The following ZKSCAN2 variants were observed in gnomAD, a reference collection of about 807,000 sequenced individuals.
The protein encoded by ZKSCAN2 is zinc finger protein with KRAB and SCAN domains 2.
In ZKSCAN2, 38 loss-of-function variants were observed where a neutral mutation model predicts 90.5. The ratio of observed to expected loss-of-function variants is 0.42; its 90% CI spans 0.32 to 0.55. ZKSCAN2 has a LOEUF of 0.55. ZKSCAN2 is among the 20% of genes least tolerant of loss of function. The pLI, the probability that ZKSCAN2 is intolerant of heterozygous loss-of-function variation, is 0.11. For missense variants in ZKSCAN2, 1,167 were observed against 1,202.6 expected (o/e 0.97, Z 0.44); for synonymous variants, 429 against 421.6 (o/e 1.02, Z -0.22).
rs767763352 is a variant in ZKSCAN2, at chr16:25,240,423, C to T, written c.2297G>A (p.Arg766Gln). 46 of 1,614,032 alleles carry T rather than the reference C, an allele frequency of 2.9e-5. No homozygotes were observed. The highest frequency in any genetic ancestry group is 1.6e-4 in the Middle Eastern group (1 of 6,080). Residue 766 changes from arginine to glutamine, a missense_variant, in exon 7 of 7, where the codon CGG (arginine) becomes CAG (glutamine). Coordinates refer to ENST00000328086, the MANE Select transcript of ZKSCAN2 (RefSeq NM_001012981.5). ...AGGATTCTCCTTGTGGTGGGTCATC[C>T]GGCACATCAGACGAGTGCTCCTTCC... ...SFGRSTRLMC[R>Q]MTHHKENPYK...
rs1962766805 is a variant in ZKSCAN2 at position 25,236,295 on chromosome 16, G to C, written c.*3521C>G. On this transcript the variant is annotated 3_prime_UTR_variant, in exon 7 of 7. Coordinates refer to ENST00000328086, the MANE Select transcript of ZKSCAN2 (RefSeq NM_001012981.5). Reference sequence around the variant, plus strand: ...CTGCCACTGGTTATCGAGGTGCTTGGGGGGTGCCTGCTGTGGACCACGAGG... The same window carrying C: ...CTGCCACTGGTTATCGAGGTGCTTGCGGGGTGCCTGCTGTGGACCACGAGG... 2 of 152,198 alleles carry C rather than the reference G, an allele frequency of 1.3e-5. No individual in the cohort carries two copies. Among genetic ancestry groups the C allele is most frequent in the Admixed American group, 1.3e-4 (2 of 15,272 alleles). 9.4% of individuals were successfully genotyped at this position (152,198 alleles called of 1,614,324 possible).
intron 2 of ZKSCAN2, among the ~76,000 whole-genome samples, chr16:25,253,484 C>T (rs570158602): frequency 1.1e-4 from 16 of 151,460 alleles, no homozygotes; most frequent in African/African-American, 3.9e-4. Flanking sequence ...CAATCATGGA[C>T]ATTTGCAATG....
Position 25,239,045 on chromosome 16 carries a change from C to A in ZKSCAN2, c.*771G>T, listed in dbSNP as rs1456827396. Reference sequence around the variant, plus strand: ...AAGAGGCCGGCAGGAGCACCCAGAGCAACTGAGAGGCAAGTGCAGGGCTAT... The same window carrying A: ...AAGAGGCCGGCAGGAGCACCCAGAGAAACTGAGAGGCAAGTGCAGGGCTAT... On this transcript the variant is annotated 3_prime_UTR_variant, in exon 7 of 7. Coordinates refer to ENST00000328086, the MANE Select transcript of ZKSCAN2 (RefSeq NM_001012981.5). The A allele has an allele frequency of 6.6e-6, 1 of 152,608 alleles. No individual in the cohort carries two copies. The highest frequency in any genetic ancestry group is 2.4e-5 in the African/African-American group (1 of 41,380). The allele number at this position is 152,608 out of a possible 1,614,324, so 9.5% of individuals were successfully genotyped here.
At chr16:25,256,200 G>T (rs1963099185) in intron 1 of ZKSCAN2, among the ~76,000 whole-genome samples, 1 of 152,172 alleles carries the variant, frequency 6.6e-6, no homozygotes, top group Non-Finnish European at 1.5e-5. Context: ...AACTAGAAGA[G>T]CATGCAAGCC....
intron 2 of ZKSCAN2, among the ~76,000 whole-genome samples, chr16:25,255,000 T>C (rs1270997949): frequency 6.6e-6 from 1 of 151,910 alleles, no homozygotes; most frequent in Admixed American, 6.6e-5. Flanking sequence ...GACTGGGTTT[T>C]CCCATGTTGC....
rs1286293577 is a variant in ZKSCAN2 at position 25,240,181 on chromosome 16, T to G, written c.2539A>C (p.Ile847Leu). ...CCGGTGTGCGTTCTCTGATGTATAA[T>G]AAGACTAGAGCTCTGACTAAAGCAT... is the stretch of plus-strand genomic sequence containing the variant. ...GKCFSQSSSL[I>L]IHQRTHTGEK... The change falls in exon 7 of 7, where the codon ATT becomes CTT. Residue 847 changes from isoleucine (I) to leucine (L), a missense_variant. Physicochemically the swap from Ile to Leu is conservative, Grantham distance 5. Coordinates refer to ENST00000328086, the MANE Select transcript of ZKSCAN2 (RefSeq NM_001012981.5). 8 of 1,614,038 alleles carry G rather than the reference T, an allele frequency of 5.0e-6. No homozygotes were observed. Among genetic ancestry groups the G allele is most frequent in the Non-Finnish European group, 6.8e-6 (8 of 1,180,040 alleles).
At chr16:25,243,635 T>C (rs1962885908) in intron 6 of ZKSCAN2, 150 bp downstream of exon 6, 1 of 1,017,386 alleles carries the variant, frequency 9.8e-7, no homozygotes, top group African/African-American at 1.6e-5. Flanking sequence ...AGAACATCAC[T>C]GCTATATCCC....
At chr16:25,244,361 TA>T (rs201809244) in intron 5 of ZKSCAN2, 85 bp from the exon 6 acceptor site, 252 of 1,437,100 alleles carry the variant, frequency 1.8e-4, no homozygotes, top group African/African-American at 6.2e-4. Flanking sequence ...AATGTAGAGG[TA>T]AAAAAAAATC....
chr16:25,253,818 G>A (rs1963056578), intron 2 of ZKSCAN2, among the ~76,000 whole-genome samples: 1 of 152,054 alleles, frequency 6.6e-6, no homozygotes, highest in South Asian at 2.1e-4. Flanking sequence ...GACCAGCCTG[G>A]TCAACATGGT....
At chr16:25,246,535 A>G (rs1962935546) in intron 5 of ZKSCAN2, 172 bp downstream of exon 5, 3 of 661,382 alleles carry the variant, frequency 4.5e-6, no homozygotes, top group East Asian at 5.4e-5. Flanking sequence ...TCTGACTGCA[A>G]TGGGGGCAGC....
Position 25,253,049 on chromosome 16 carries a change from G to T in ZKSCAN2, c.587-12C>A. 1 of 1,603,718 alleles carries T rather than the reference G, an allele frequency of 6.2e-7. No homozygotes were observed. The highest frequency in any genetic ancestry group is 1.3e-5 in the African/African-American group (1 of 74,858). ...GGGAGAAGGCCGAGCTGTAAGAATA[G>T]AAAGAAACGATTAGTAATCTGGGCT... is the stretch of plus-strand genomic sequence containing the variant. On this transcript the variant is annotated splice_polypyrimidine_tract_variant and intron_variant, in intron 2 of 6. Transcript: ENST00000328086.
rs547858427 is a variant in ZKSCAN2 at position 25,254,671 on chromosome 16, C to T, written c.586+535G>A. 5.7e-4 allele frequency among the ~76,000 whole-genome samples: 87 copies of T among 152,226 alleles called. 3 individuals are homozygous for T. The South Asian group carries it at 0.015, about 26-fold the overall frequency. On this transcript the variant is annotated intron_variant, in intron 2 of 6. Coordinates refer to ENST00000328086, the MANE Select transcript of ZKSCAN2 (RefSeq NM_001012981.5). ...CTTGAACTCCTGGCTTCAAGAGATC[C>T]GCCTGCCTCGGCCTCCCAAAGTGTT... is the stretch of plus-strand genomic sequence containing the variant.
chr16:25,253,935 G>C (rs958337179), intron 2 of ZKSCAN2, among the ~76,000 whole-genome samples: 2 of 152,250 alleles, frequency 1.3e-5, no homozygotes, highest in Non-Finnish European at 2.9e-5. Flanking sequence ...TGGAACCTGG[G>C]AGGCGGAGGT....
chr16:25,257,106 G>T lies in ZKSCAN2; in HGVS notation c.22C>A (p.Gln8Lys). The T allele has an allele frequency of 6.2e-7, 1 of 1,605,988 alleles. No individual in the cohort carries two copies. The highest frequency in any genetic ancestry group is 1.1e-5 in the South Asian group (1 of 90,194). The change falls in exon 1 of 7, where the codon CAG (glutamine) becomes AAG (lysine). Residue 8 changes from glutamine to lysine, a missense_variant. By Grantham distance (53) the Gln-to-Lys change is moderately conservative. Coordinates refer to ENST00000328086, the MANE Select transcript of ZKSCAN2 (RefSeq NM_001012981.5). ...TCAACCTCCAGGGGCGCGTCGATCT[G>T]AGAGTCGAGGGCGACAGCCATGCTG... MAVALDS[Q>K]IDAPLEVEGC...
intron 4 of ZKSCAN2, among the ~76,000 whole-genome samples, chr16:25,250,892 G>C (rs2141367921): frequency 6.6e-6 from 1 of 152,224 alleles, no homozygotes; most frequent in Non-Finnish European, 1.5e-5. Context: ...AAGTAGCTGG[G>C]ATTACAGGCA....
In ZKSCAN2 at chr16:25,239,618, A is replaced by G; in HGVS notation, c.*198T>C. ...TGTATCTTCGCCACATTCTTAAAGG[A>G]GAAGCTGAGACACACAGAAGAGGAG... On this transcript the variant is annotated 3_prime_UTR_variant, in exon 7 of 7. Coordinates refer to ENST00000328086, the MANE Select transcript of ZKSCAN2 (RefSeq NM_001012981.5). 3.8e-6 allele frequency: 2 copies of G among 526,082 alleles called. No individual in the cohort carries two copies. Among genetic ancestry groups the G allele is most frequent in the Non-Finnish European group, 6.6e-6 (2 of 301,184 alleles). The allele number at this position is 526,082 out of a possible 1,614,324, so 32.6% of individuals were successfully genotyped here. A position where few individuals can be genotyped will look rare whatever the true frequency, so the allele number is the denominator to read the frequency against.
rs142430949 is a variant in ZKSCAN2 at position 25,257,657 on chromosome 16, G to C, written c.-530C>G. 2.3e-5 allele frequency: 6 copies of C among 257,424 alleles called. No homozygotes were observed. Among genetic ancestry groups the C allele is most frequent in the South Asian group, 1.5e-4 (1 of 6,854 alleles). The allele number at this position is 257,424 out of a possible 1,614,324, so 15.9% of individuals were successfully genotyped here. ...GCCGCCGGATTCCGAGAGCGGCGCC[G>C]GGCTCTTTCGGGCCCACGACGGCCC... On this transcript the variant is annotated 5_prime_UTR_variant, in exon 1 of 7. Coordinates refer to ENST00000328086, the MANE Select transcript of ZKSCAN2 (RefSeq NM_001012981.5).
Position 25,236,807 on chromosome 16 carries a change from G to T in ZKSCAN2, c.*3009C>A, listed in dbSNP as rs1440601945. ...GGCAGTAACAAAGCAAGCCTAGGTG[G>T]GACATACGACCCCAGTTTCCAAAAT... On this transcript the variant is annotated 3_prime_UTR_variant, in exon 7 of 7. Transcript: ENST00000328086. 1 of 152,198 alleles carries T rather than the reference G, an allele frequency of 6.6e-6. No homozygotes were observed. Among genetic ancestry groups the T allele is most frequent in the Non-Finnish European group, 1.5e-5 (1 of 68,032 alleles). The allele number at this position is 152,198 out of a possible 1,614,324, so 9.4% of individuals were successfully genotyped here.
At chr16:25,242,795 A>C (rs1962873468) in intron 6 of ZKSCAN2, among the ~76,000 whole-genome samples, 1 of 152,238 alleles carries the variant, frequency 6.6e-6, no homozygotes, top group Non-Finnish European at 1.5e-5. Context: ...ACCTTAATAA[A>C]AGTGTGGGTG....
Sources: gnomAD v4.1 joint callset for allele counts (sites outside exome capture counted in the v4.1 genomes callset) on GRCh38, gnomAD v4.1.1 for gene constraint, MANE v1.5 for transcripts, NCBI Gene and HGNC (gene_info 2026-07-23, HGNC 2026-07-21) for gene names.